PARVG: variants seen among roughly 807,000 people sequenced by gnomAD.
The protein encoded by PARVG is gamma-parvin.
Under a neutral mutation model 44.4 loss-of-function variants are expected in PARVG, and 36 were observed. The observed-to-expected ratio is 0.81, with a 90% CI of 0.62 to 1.07. The LOEUF is 1.07. Ranked by LOEUF, PARVG falls within the 50% of genes least tolerant of loss-of-function variation. The pLI, the probability that PARVG is intolerant of heterozygous loss-of-function variation, is 0.00. For synonymous variants in PARVG, 170 were observed against 174.1 expected (o/e 0.98, Z 0.19); for missense variants, 407 against 407.4 (o/e 1.00, Z 0.01).
intron 8 of PARVG, among the ~76,000 whole-genome samples, chr22:44,193,286 A>G (rs1218394203): frequency 6.6e-6 from 1 of 152,244 alleles, no homozygotes; most frequent in Non-Finnish European, 1.5e-5. Context: ...AGCCAGACCC[A>G]AAAGAGGACA....
chr22:44,176,691 C>T (rs576561995), upstream of PARVG, among the ~76,000 whole-genome samples: 13 of 151,636 alleles, frequency 8.6e-5, no homozygotes, highest in African/African-American at 3.2e-4. Context: ...TTCAAACCCG[C>T]AGAAAAGTTG....
At chr22:44,178,221 AG>A (rs747193327), upstream of PARVG, among the ~76,000 whole-genome samples, 1 of 152,230 alleles carries the variant, frequency 6.6e-6, no homozygotes, top group Non-Finnish European at 1.5e-5. Context: ...ACTTTCCTGC[AG>A]CTTTTCTGTG....
At chr22:44,177,942 G>A (rs952217036), upstream of PARVG, among the ~76,000 whole-genome samples, 11 of 151,990 alleles carry the variant, frequency 7.2e-5, no homozygotes, top group African/African-American at 2.2e-4. Context: ...CTTTGTAATC[G>A]ATCAATATTT....
At chr22:44,181,942 A>G in intron 2 of PARVG, 25 bp downstream of exon 2, 1 of 985,638 alleles carries the variant, frequency 1.0e-6, no homozygotes, top group Non-Finnish European at 1.2e-6. Flanking sequence ...CGGGGCCACC[A>G]TACTTGAGTG....
At chr22:44,175,098 G>A (rs933948726) in intron 1 of PARVG, among the ~76,000 whole-genome samples, 4 of 152,246 alleles carry the variant, frequency 2.6e-5, no homozygotes, top group Non-Finnish European at 4.4e-5. Flanking sequence ...TTCCAGCCTA[G>A]GCAACAAGAG....
chr22:44,177,953 A>G (rs906039585), upstream of PARVG, among the ~76,000 whole-genome samples: 4 of 152,198 alleles, frequency 2.6e-5, no homozygotes, highest in African/African-American at 9.7e-5. Context: ...ATCAATATTT[A>G]TGAGGAAAGA....
chr22:44,203,378 C>T (rs139168), intron 12 of PARVG, among the ~76,000 whole-genome samples: 50 of 152,028 alleles, frequency 3.3e-4, no homozygotes, highest in Non-Finnish European at 4.1e-4. Context: ...AAGGTTCATG[C>T]GGCCCACCAA....
chr22:44,200,592 A>G (rs1355556567), intron 12 of PARVG, among the ~76,000 whole-genome samples: 1 of 152,132 alleles, frequency 6.6e-6, no homozygotes, highest in Non-Finnish European at 1.5e-5. Flanking sequence ...GCTTATCTCC[A>G]TCCATGCCAG....
At chr22:44,186,029 CAA>C (rs1312507942) in intron 4 of PARVG, 157 bp downstream of exon 4, 3 of 533,824 alleles carry the variant, frequency 5.6e-6, no homozygotes, top group Non-Finnish European at 1.0e-5. Flanking sequence ...TTGAATGGAG[CAA>C]GTCACCCACA....
Position 44,182,083 on chromosome 22 carries a change from C to G in PARVG, c.-13+166C>G, listed in dbSNP as rs537724452. On this transcript the variant is annotated intron_variant, in intron 2 of 13. Transcript: ENST00000444313. This position sits in a 1 kb window ranked among gnomAD's most constrained non-coding sequence, Gnocchi z 4.6. Reference sequence around the variant, plus strand: ...AGTCCCCACGGCCCCTCCGGCTGCCCCTGCTCAGAGGCTGCTCGGCGTCCT... The same window carrying G: ...AGTCCCCACGGCCCCTCCGGCTGCCGCTGCTCAGAGGCTGCTCGGCGTCCT... 6.6e-6 allele frequency among the ~76,000 whole-genome samples: 1 copy of G among 152,244 alleles called. No individual in the cohort carries two copies. Among genetic ancestry groups the G allele is most frequent in the South Asian group, 2.1e-4 (1 of 4,812 alleles).
At chr22:44,191,587 T>C (rs2054549924) in intron 7 of PARVG, among the ~76,000 whole-genome samples, 1 of 151,940 alleles carries the variant, frequency 6.6e-6, no homozygotes, top group Admixed American at 6.6e-5. Flanking sequence ...TTGGCAGAGA[T>C]GGGGTTTCAC....
At position 44,187,761 on chromosome 22, in the gene PARVG, C is replaced by A; in HGVS notation, c.145-15C>A. 1 of 1,614,014 alleles carries A rather than the reference C, an allele frequency of 6.2e-7. No homozygotes were observed. Among genetic ancestry groups the A allele is most frequent in the South Asian group, 1.1e-5 (1 of 91,082 alleles). ...GTCTCCATCCCCCCAAAAGTTGTCC[C>A]CTTGGAGCCTGCAGGTGTTGATGGA... On this transcript the variant is annotated splice_polypyrimidine_tract_variant and intron_variant, in intron 4 of 13. Coordinates refer to ENST00000444313, the MANE Select transcript of PARVG (RefSeq NM_022141.7).
At chr22:44,203,651 G>A (rs139171) in intron 12 of PARVG, among the ~76,000 whole-genome samples, 71,005 of 152,036 alleles carry the variant, frequency 0.47, 16,544 homozygotes, top group Middle Eastern at 0.49. Flanking sequence ...AATAATATTC[G>A]TGATGAGAAT....
chr22:44,193,407 C>CG, intron 8 of PARVG, among the ~76,000 whole-genome samples: 1 of 151,940 alleles, frequency 6.6e-6, no homozygotes, highest in Admixed American at 6.6e-5. Context: ...AGGGAGAACA[C>CG]GGGGGGTGCT....
intron 8 of PARVG, among the ~76,000 whole-genome samples, chr22:44,193,114 C>T (rs745408515): frequency 1.4e-4 from 21 of 152,142 alleles, no homozygotes; most frequent in Non-Finnish European, 2.4e-4. Flanking sequence ...GGCTCTGCCC[C>T]GTGGGCCCCA....
chr22:44,186,751 G>A (rs2054477354), intron 4 of PARVG: 1 of 438,970 alleles, frequency 2.3e-6, no homozygotes, highest in African/African-American at 2.0e-5. Flanking sequence ...GGTCATGGGA[G>A]GGAAGGGGCC....
At chr22:44,185,088 A>G (rs754668236) in intron 3 of PARVG, 7 of 152,250 alleles carry the variant, frequency 4.6e-5, no homozygotes, top group Non-Finnish European at 1.0e-4. Flanking sequence ...TGTGCTGGGC[A>G]CAACAGCCCA....
chr22:44,194,620 C>A (rs1306649004), intron 9 of PARVG, among the ~76,000 whole-genome samples: 1 of 151,616 alleles, frequency 6.6e-6, no homozygotes, highest in Non-Finnish European at 1.5e-5. Context: ...TCCACCTACC[C>A]ATCCATCACC....
chr22:44,183,723 C>T (rs1018222310), intron 3 of PARVG: 1 of 417,642 alleles, frequency 2.4e-6, no homozygotes, highest in Non-Finnish European at 4.2e-6. Flanking sequence ...CATTTATTCT[C>T]AAGGGCGGGC....
Sources: gnomAD v4.1 joint callset for allele counts (sites outside exome capture counted in the v4.1 genomes callset) on GRCh38, gnomAD v4.1.1 for gene constraint, Gnocchi (gnomAD v3.1) non-coding constraint, MANE v1.5 for transcripts, NCBI Gene and HGNC (gene_info 2026-07-23, HGNC 2026-07-21) for gene names.